The following ABCB11 variants were observed in gnomAD, a reference collection of about 807,000 sequenced individuals.
ABCB11 encodes ATP binding cassette subfamily B member 11, also known as bile salt export pump.
A neutral mutation model predicts 148.0 loss-of-function variants in ABCB11; 95 were observed. The observed-to-expected ratio is 0.64, with a 90% CI of 0.54 to 0.76. ABCB11 has a LOEUF of 0.76. Ranked by LOEUF, ABCB11 falls within the 30% of genes least tolerant of loss-of-function variation. ABCB11 has a pLI of 0.00. For synonymous variants in ABCB11, 591 were observed against 555.4 expected (o/e 1.06, Z -0.90); for missense variants, 1,523 against 1,617.8 (o/e 0.94, Z 1.01).
chr2:168,959,814 T>A (rs1313710314), intron 18 of ABCB11, among the ~76,000 whole-genome samples: 1 of 150,626 alleles, frequency 6.6e-6, no homozygotes, highest in Non-Finnish European at 1.5e-5. Context: ...TTGTGGGAAC[T>A]GGGGGTTGGG....
chr2:168,958,135 C>A lies in ABCB11; in HGVS notation c.2179-7G>T, dbSNP rs1559202369. ...GCACAGGAATGTCCTTGTCCTTGAG[C>A]AGAGAGAGGGTTATATTAATCATCT... On this transcript the variant is annotated splice_region_variant and splice_polypyrimidine_tract_variant and intron_variant, in intron 18 of 27. Transcript: ENST00000650372. The A allele has an allele frequency of 6.2e-7, 1 of 1,610,074 alleles. No homozygotes were observed. The highest frequency in any genetic ancestry group is 1.1e-5 in the South Asian group (1 of 90,944).
chr2:168,926,311 G>A (rs755394885), intron 26 of ABCB11, among the ~76,000 whole-genome samples: 4 of 152,112 alleles, frequency 2.6e-5, no homozygotes, highest in Admixed American at 6.5e-5. Context: ...CACCACCCAC[G>A]GTACACATTG....
chr2:168,990,480 AG>A (rs1167432606), intron 9 of ABCB11, among the ~76,000 whole-genome samples: 1 of 152,106 alleles, frequency 6.6e-6, no homozygotes, highest in Admixed American at 6.6e-5. Context: ...CTTTAATGAC[AG>A]CAAACAGCAT....
intron 19 of ABCB11, among the ~76,000 whole-genome samples, chr2:168,948,500 GT>G (rs3084035): frequency 6.7e-6 from 1 of 150,092 alleles, no homozygotes; most frequent in African/African-American, 2.4e-5. Context: ...TGATGAGTGG[GT>G]TTTTTTTTGT....
At chr2:168,942,599 A>G (rs1307406209) in intron 21 of ABCB11, among the ~76,000 whole-genome samples, 1 of 151,892 alleles carries the variant, frequency 6.6e-6, no homozygotes, top group African/African-American at 2.4e-5. Context: ...ACTTAAAAAT[A>G]ACTAAGAGTG....
intron 5 of ABCB11, among the ~76,000 whole-genome samples, chr2:169,009,486 C>A (rs1022577059): frequency 2.7e-5 from 4 of 148,914 alleles, no homozygotes; most frequent in African/African-American, 7.5e-5. Flanking sequence ...GGACAAAAAA[C>A]CAAACACTAC....
chr2:168,958,032 AC>A lies in ABCB11; in HGVS notation c.2274del (p.Ser759LeufsTer6). ...GTCCCGTTCACAGCTGCACCCACAG[AC>A]CCTACCAGCATGTAGGGCCATTCTG... is the stretch of plus-strand genomic sequence containing the variant. ...SAPEWPYMLV[G>X]SVGAAVNGTV... On this transcript the variant is annotated frameshift_variant, in exon 19 of 28. Coordinates refer to ENST00000650372, the MANE Select transcript of ABCB11 (RefSeq NM_003742.4). LOFTEE classifies it high-confidence loss of function. The A allele has an allele frequency of 6.2e-7, 1 of 1,611,274 alleles. No individual in the cohort carries two copies. The highest frequency in any genetic ancestry group is 8.5e-7 in the Non-Finnish European group (1 of 1,178,296).
intron 10 of ABCB11, among the ~76,000 whole-genome samples, chr2:168,984,181 CT>C (rs1694233749): frequency 6.6e-6 from 1 of 152,070 alleles, no homozygotes; most frequent in African/African-American, 2.4e-5. Flanking sequence ...GATAAGAAGC[CT>C]TCCTGGACCC....
At chr2:168,945,028 T>A in intron 19 of ABCB11, 67 bp from the exon 20 acceptor site, 2 of 1,145,894 alleles carry the variant, frequency 1.7e-6, no homozygotes, top group Non-Finnish European at 2.5e-6. Context: ...TTTACATGTT[T>A]AAAATGAATT....
At chr2:169,028,138 T>C (rs4668115) in intron 1 of ABCB11, among the ~76,000 whole-genome samples, 109,751 of 151,686 alleles carry the variant, frequency 0.72, 40,125 homozygotes, top group East Asian at 0.81. Flanking sequence ...AAAATGTCAA[T>C]CCCTGTACTG....
rs904932120 is a variant in ABCB11, at chr2:168,975,881, A to G, written c.1308+696T>C. ...AACAAAATGGGATTTAGTTCTGTGC[A>G]GATAACAGAAATATTAAGAGAGAGT... is the stretch of plus-strand genomic sequence containing the variant. On this transcript the variant is annotated intron_variant, in intron 12 of 27. Transcript: ENST00000650372. Among the ~76,000 whole-genome samples, 14 of 101,084 alleles carry G rather than the reference A, an allele frequency of 1.4e-4. No homozygotes were observed. The South Asian group carries it at 3.4e-3, about 25-fold the overall frequency. The allele number at this position is 101,084 out of a possible 152,430, so 66.3% of individuals were successfully genotyped here. A position where few individuals can be genotyped will look rare whatever the true frequency, so the allele number is the denominator to read the frequency against.
rs1196191058 is a variant in ABCB11, at chr2:168,921,364, A to T, written c.*2258T>A. ...TTTGTTGGCTAAGGGAAGAAAAACC[A>T]TCTACGTAGAGTGAGCTTGGGAGGA... is the stretch of plus-strand genomic sequence containing the variant. On this transcript the variant is annotated 3_prime_UTR_variant, in exon 28 of 28. Coordinates refer to ENST00000650372, the MANE Select transcript of ABCB11 (RefSeq NM_003742.4). Among the ~76,000 whole-genome samples, 1 of 152,170 alleles carries T rather than the reference A, an allele frequency of 6.6e-6. No individual in the cohort carries two copies. Among genetic ancestry groups the T allele is most frequent in the Non-Finnish European group, 1.5e-5 (1 of 68,026 alleles).
chr2:169,009,231 T>C (rs1558924666), intron 5 of ABCB11, among the ~76,000 whole-genome samples: 1 of 152,194 alleles, frequency 6.6e-6, no homozygotes, highest in Non-Finnish European at 1.5e-5. Context: ...TTACTGGGTA[T>C]ATACCCAAAG....
At chr2:169,019,738 A>G (rs1191106831) in intron 1 of ABCB11, among the ~76,000 whole-genome samples, 1 of 152,220 alleles carries the variant, frequency 6.6e-6, no homozygotes, top group African/African-American at 2.4e-5. Flanking sequence ...GGGAAAATGC[A>G]TATTCAAATA....
chr2:168,986,165 T>A lies in ABCB11; in HGVS notation c.1028A>T (p.Tyr343Phe), dbSNP rs1390739927. Residue 343 changes from tyrosine (Y) to phenylalanine (F), a missense_variant, in exon 10 of 28, where the codon TAC becomes TTC. Physicochemically the swap from Tyr to Phe is conservative, Grantham distance 22 (BLOSUM62 3). Coordinates refer to ENST00000650372, the MANE Select transcript of ABCB11 (RefSeq NM_003742.4). ...IFLCYALAFW[Y>F]GSTLVLDEGE... ...TTCATCCAGGACAAGTGTGGAGCCG[T>A]ACCAGAAGGCCAGTGCATAACACAA... is the stretch of plus-strand genomic sequence containing the variant. The A allele has an allele frequency of 7.4e-6, 12 of 1,613,144 alleles. No individual in the cohort carries two copies. Among genetic ancestry groups the A allele is most frequent in the South Asian group, 3.3e-5 (3 of 91,042 alleles).
chr2:168,969,644 T>C (rs1405293265), intron 15 of ABCB11, 93 bp from the exon 16 acceptor site: 4 of 1,138,610 alleles, frequency 3.5e-6, no homozygotes, highest in Non-Finnish European at 1.3e-6. Context: ...GAAAGTTAGA[T>C]CCTTGGTCCC....
chr2:168,917,148 T>C (rs142667861), downstream of ABCB11, among the ~76,000 whole-genome samples: 1 of 152,236 alleles, frequency 6.6e-6, no homozygotes, highest in East Asian at 1.9e-4. Flanking sequence ...AATAATTTCC[T>C]AAGGGCACAT....
At chr2:168,982,521 CT>C (rs1275961691) in intron 10 of ABCB11, among the ~76,000 whole-genome samples, 1 of 152,088 alleles carries the variant, frequency 6.6e-6, no homozygotes, top group Admixed American at 6.6e-5. Context: ...TTCAGGTCCC[CT>C]TCATCTTTCC....
chr2:168,970,553 C>T (rs546345954), intron 14 of ABCB11: 3 of 394,998 alleles, frequency 7.6e-6, no homozygotes, highest in Admixed American at 3.7e-5. Flanking sequence ...AGAGCAAATC[C>T]GTGTCTCTTT....
Sources: gnomAD v4.1 joint callset for allele counts (sites outside exome capture counted in the v4.1 genomes callset) on GRCh38, gnomAD v4.1.1 for gene constraint, MANE v1.5 for transcripts, NCBI Gene and HGNC (gene_info 2026-07-23, HGNC 2026-07-21) for gene names.